Variants in RBM26 observed in about 807,000 individuals in gnomAD.
RBM26 encodes the protein RNA-binding protein 26.
A neutral mutation model predicts 123.6 loss-of-function variants in RBM26; 30 were observed. The observed-to-expected ratio is 0.24, with a 90% confidence interval of 0.18 to 0.33. The LOEUF is 0.33. RBM26 is among the 10% of genes least tolerant of loss of function. The pLI, the probability that RBM26 is intolerant of heterozygous loss-of-function variation, is 1.00. For synonymous variants in RBM26, 400 were observed against 404.4 expected, an observed-to-expected ratio of 0.99 and a Z score of 0.13; for missense variants, 947 against 1,203.6, an observed-to-expected ratio of 0.79 and a Z score of 3.15.
chr13:79,405,736 G>A lies in RBM26; in HGVS notation c.39C>T (p.Leu13=), dbSNP rs1411153271. 6.3e-7 allele frequency: 1 copy of A among 1,599,948 alleles called. No individual in the cohort carries two copies. Among genetic ancestry groups the A allele is most frequent in the Non-Finnish European group, 8.5e-7 (1 of 1,172,732 alleles). ...CGAGAGTCTTGCTGAGCCAGGACTT[G>A]AGTGCCTCGAAGTTTTCAATGATCA... ...SKMIIENFEA[L]KSWLSKTLEP... is the part of the protein sequence containing the mutation. The change falls in exon 1 of 22, where the codon CTC becomes CTT. Residue 13 remains leucine, a synonymous_variant. Coordinates refer to ENST00000438737, the MANE Select transcript of RBM26 (RefSeq NM_001366735.2).
At chr13:79,393,276 ACAAAGATCTCCCCAGCAATT>A (rs1487420061) in intron 1 of RBM26, among the ~76,000 whole-genome samples, 2 of 152,206 alleles carry the variant, frequency 1.3e-5, no homozygotes, top group Non-Finnish European at 2.9e-5. Context: ...GGAGTTAAGA[ACAAAGATCTCCCCAGCAATT>A]CAAAAACCTG....
Position 79,368,754 on chromosome 13 carries a change from T to C in RBM26, c.871A>G (p.Lys291Glu). ...CCATCATAGTCTCTACACCGTTTCT[T>C]TGGCATGGGTGGTCTTACGTAAGAG... ...HNSYVRPPMP[K>E]KRCRDYDEKG... Residue 291 changes from lysine (K) to glutamate (E), a missense_variant, in exon 6 of 22, where the codon AAG becomes GAG. By Grantham distance (56) the Lys-to-Glu change is moderately conservative (BLOSUM62 1). Coordinates refer to ENST00000438737, the MANE Select transcript of RBM26 (RefSeq NM_001366735.2). 1 of 1,614,010 alleles carries C rather than the reference T, an allele frequency of 6.2e-7. No homozygotes were observed. Among genetic ancestry groups the C allele is most frequent in the Non-Finnish European group, 8.5e-7 (1 of 1,179,926 alleles).
chr13:79,376,038 AG>A (rs1401434292), intron 3 of RBM26, among the ~76,000 whole-genome samples: 1 of 151,820 alleles, frequency 6.6e-6, no homozygotes, highest in East Asian at 1.9e-4. Flanking sequence ...TCCATTTCGC[AG>A]CTGAGTAAAA....
chr13:79,366,369 G>C, intron 7 of RBM26, 174 bp from the exon 8 acceptor site: 1 of 435,834 alleles, frequency 2.3e-6, no homozygotes, highest in Admixed American at 6.4e-5. Flanking sequence ...TTCCAAAGCA[G>C]GTTTGCCTTA....
rs564934773 is a variant in RBM26 at position 79,368,230 on chromosome 13, G to A, written c.895+500C>T. Among the ~76,000 whole-genome samples, 269 of 152,250 alleles carry A rather than the reference G, an allele frequency of 1.8e-3. 2 individuals are homozygous for A. Among genetic ancestry groups the A allele is most frequent in the Non-Finnish European group, 2.1e-3 (145 of 68,018 alleles). ...TAGTAGAGACGGGGTTGCATACCAT[G>A]TTAGCCAGGATGGTCTAGATCTCCT... On this transcript the variant is annotated intron_variant, in intron 6 of 21. Coordinates refer to ENST00000438737, the MANE Select transcript of RBM26 (RefSeq NM_001366735.2).
intron 17 of RBM26, among the ~76,000 whole-genome samples, chr13:79,342,309 G>A (rs1027250953): frequency 3.3e-5 from 5 of 151,566 alleles, no homozygotes; most frequent in African/African-American, 7.3e-5. Flanking sequence ...CACCGTGTAC[G>A]GTGTTGTCAG....
intron 16 of RBM26, among the ~76,000 whole-genome samples, chr13:79,343,130 A>T (rs1208541925): frequency 6.6e-6 from 1 of 151,828 alleles, no homozygotes; most frequent in Non-Finnish European, 1.5e-5. Flanking sequence ...TCACTGAAAA[A>T]TTATCAATTT....
intron 1 of RBM26, among the ~76,000 whole-genome samples, chr13:79,387,411 T>C (rs955874743): frequency 6.6e-5 from 10 of 152,288 alleles, no homozygotes; most frequent in African/African-American, 2.4e-4. Context: ...TGTTAGCCTT[T>C]CCATGAAGCA....
At chr13:79,362,897 A>C (rs956802056) in intron 9 of RBM26, among the ~76,000 whole-genome samples, 2 of 152,202 alleles carry the variant, frequency 1.3e-5, no homozygotes, top group African/African-American at 4.8e-5. Context: ...CTTGGTATAT[A>C]CTCAGCAAAT....
intron 9 of RBM26, among the ~76,000 whole-genome samples, chr13:79,365,262 C>T (rs1042670458): frequency 8.6e-5 from 13 of 151,972 alleles, no homozygotes; most frequent in African/African-American, 9.7e-5. Context: ...CTGGCCAATA[C>T]GGTGAAATCC....
intron 17 of RBM26, 91 bp downstream of exon 17, chr13:79,342,573 G>C (rs2071596837): frequency 9.7e-7 from 1 of 1,028,830 alleles, no homozygotes; most frequent in African/African-American, 1.6e-5. Context: ...TTGAACAGAA[G>C]ATATTACCTA....
intron 13 of RBM26, among the ~76,000 whole-genome samples, chr13:79,353,629 G>A (rs895238816): frequency 6.6e-6 from 1 of 152,102 alleles, no homozygotes. Context: ...AATTTGGGAT[G>A]ATAGGACTGG....
intron 1 of RBM26, among the ~76,000 whole-genome samples, chr13:79,390,629 G>C (rs1330352134): frequency 6.6e-6 from 1 of 152,128 alleles, no homozygotes; most frequent in Non-Finnish European, 1.5e-5. Context: ...GTAAAGCATG[G>C]TATGCATGCT....
At position 79,350,545 on chromosome 13, in the gene RBM26, G is replaced by A. The variant is rs561499824; in HGVS notation, c.2058+2608C>T. Among the ~76,000 whole-genome samples, 9 of 152,112 alleles carry A rather than the reference G, an allele frequency of 5.9e-5. No individual in the cohort carries two copies. The South Asian group carries it at 1.2e-3, about 21-fold the overall frequency. On this transcript the variant is annotated intron_variant, in intron 14 of 21. Coordinates refer to ENST00000438737, the MANE Select transcript of RBM26 (RefSeq NM_001366735.2). ...CTTCATATTTACCAGCAGCAATTAC[G>A]TTTTAACTTTCCTCTCTTCTAGCCT...
At chr13:79,364,634 T>G (rs542242632) in intron 9 of RBM26, among the ~76,000 whole-genome samples, 1 of 152,170 alleles carries the variant, frequency 6.6e-6, no homozygotes, top group Non-Finnish European at 1.5e-5. Flanking sequence ...AATGTGAACT[T>G]TCTCCCTCTG....
intron 18 of RBM26, among the ~76,000 whole-genome samples, chr13:79,338,473 G>A (rs113981499): frequency 0.021 from 3,209 of 152,088 alleles, 53 homozygotes; most frequent in Admixed American, 0.046. Context: ...TAGGGGTTAC[G>A]GCATGAAAAA....
chr13:79,341,793 T>A (rs765302174), intron 17 of RBM26, among the ~76,000 whole-genome samples: 2 of 151,748 alleles, frequency 1.3e-5, no homozygotes, highest in Admixed American at 6.6e-5. Flanking sequence ...TCTGCAAGAA[T>A]TGGGGCCAGG....
intron 9 of RBM26, among the ~76,000 whole-genome samples, chr13:79,364,401 T>C (rs1156860616): frequency 2.0e-5 from 3 of 152,166 alleles, no homozygotes; most frequent in Non-Finnish European, 2.9e-5. Context: ...TGTTACTTAC[T>C]AACTAAGACT....
chr13:79,368,038 T>TATG (rs2075511232), intron 6 of RBM26, among the ~76,000 whole-genome samples: 4 of 151,502 alleles, frequency 2.6e-5, no homozygotes, highest in Admixed American at 2.0e-4. Context: ...TATTTTTATT[T>TATG]TTTTTGAGAC....
Sources: allele counts gnomAD v4.1 joint callset (sites outside exome capture counted in the v4.1 genomes callset), GRCh38; gene constraint gnomAD v4.1.1; transcripts MANE v1.5; gene names NCBI Gene and HGNC (gene_info 2026-07-23, HGNC 2026-07-21).